The following CYB5RL variants were observed in gnomAD, a reference collection of about 807,000 sequenced individuals.
CYB5RL encodes cytochrome b5 reductase like, also known as NADH-cytochrome b5 reductase-like.
A neutral mutation model predicts 37.5 loss-of-function variants in CYB5RL; 38 were observed. The observed-to-expected ratio is 1.01, with a 90% confidence interval of 0.78 to 1.33. The LOEUF is 1.33. Ranked by LOEUF, CYB5RL falls within the 40% of genes most tolerant of loss-of-function variation. CYB5RL has a pLI of 0.00. For missense variants in CYB5RL, 388 were observed against 394.4 expected (o/e 0.98, Z 0.14); for synonymous variants, 141 against 151.9 (o/e 0.93, Z 0.53).
chr1:54,191,366 G>T (rs997907114), intron 3 of CYB5RL, among the ~76,000 whole-genome samples: 3 of 152,156 alleles, frequency 2.0e-5, no homozygotes, highest in African/African-American at 7.2e-5. Context: ...ATCCAGATTT[G>T]CATAATTTAT....
chr1:54,196,159 G>C (rs1042689206), intron 2 of CYB5RL, among the ~76,000 whole-genome samples: 3 of 152,212 alleles, frequency 2.0e-5, no homozygotes, highest in Non-Finnish European at 2.9e-5. Context: ...ATACAGAAAA[G>C]TCTCATTGAA....
At chr1:54,180,617 A>C (rs1177573102) in intron 6 of CYB5RL, among the ~76,000 whole-genome samples, 3 of 151,708 alleles carry the variant, frequency 2.0e-5, no homozygotes, top group Non-Finnish European at 4.4e-5. Context: ...GAAAAAAAAA[A>C]AAAAGAGGGG....
rs1659935211 is a variant in CYB5RL, at chr1:54,173,227, A to T, written c.*1392T>A. ...TGACACAGCAGAGAGATTTGTTGCC[A>T]TTTTTTTTAGTGGCTAGGAAAATCC... On this transcript the variant is annotated 3_prime_UTR_variant, in exon 8 of 8. Transcript: ENST00000534324. 6.6e-6 allele frequency: 1 copy of T among 152,044 alleles called. No individual in the cohort carries two copies. Among genetic ancestry groups the T allele is most frequent in the Non-Finnish European group, 1.5e-5 (1 of 67,984 alleles). 9.4% of individuals were successfully genotyped at this position (152,044 alleles called of 1,614,324 possible). A position where few individuals can be genotyped will look rare whatever the true frequency, so the allele number is the denominator to read the frequency against.
intron 3 of CYB5RL, among the ~76,000 whole-genome samples, chr1:54,194,026 AATG>A (rs1328110953): frequency 3.5e-5 from 5 of 142,498 alleles, no homozygotes; most frequent in South Asian, 2.2e-4. Flanking sequence ...TAATAATAAT[AATG>A]ATAATAATAA....
At chr1:54,197,895 G>A (rs535481990) in intron 1 of CYB5RL, among the ~76,000 whole-genome samples, 2 of 151,878 alleles carry the variant, frequency 1.3e-5, no homozygotes, top group Non-Finnish European at 2.9e-5. Context: ...GGGCATGGTG[G>A]TGGGCACCCG....
chr1:54,199,692 C>G (rs1168551743), intron 1 of CYB5RL, among the ~76,000 whole-genome samples: 1 of 152,168 alleles, frequency 6.6e-6, no homozygotes, highest in Non-Finnish European at 1.5e-5. Flanking sequence ...AAGTGGCTCG[C>G]TTTTGGCGCT....
chr1:54,198,627 G>C (rs1390232424), intron 1 of CYB5RL, among the ~76,000 whole-genome samples: 2 of 130,088 alleles, frequency 1.5e-5, no homozygotes, highest in African/African-American at 2.9e-5. Flanking sequence ...CACCATGCCC[G>C]GCCTTTTTTT....
rs778960096 is a variant in CYB5RL, at chr1:54,171,122, C to T, written c.*3497G>A. 14 of 455,686 alleles carry T rather than the reference C, an allele frequency of 3.1e-5. No homozygotes were observed. Among genetic ancestry groups the T allele is most frequent in the East Asian group, 7.0e-5 (1 of 14,362 alleles). The allele number at this position is 455,686 out of a possible 1,614,324, so 28.2% of individuals were successfully genotyped here. On this transcript the variant is annotated 3_prime_UTR_variant, in exon 8 of 8. Transcript: ENST00000534324. ...ACCAAGCTGGAGTGGAAGAGACAGGCGAGGCTCCCGGGAGGAAGTGACACT... is the reference window on the plus strand; with the variant it reads ...ACCAAGCTGGAGTGGAAGAGACAGGTGAGGCTCCCGGGAGGAAGTGACACT...
Position 54,179,192 on chromosome 1 carries a change from T to G in CYB5RL, c.701A>C (p.Gln234Pro). 6.2e-7 allele frequency: 1 copy of G among 1,613,746 alleles called. No individual in the cohort carries two copies. The highest frequency in any genetic ancestry group is 8.5e-7 in the Non-Finnish European group (1 of 1,179,808). Residue 234 changes from glutamine (Q) to proline (P), a missense_variant, in exon 7 of 8, where the codon CAG (glutamine) becomes CCG (proline). Gln to Pro is a moderately conservative substitution (Grantham distance 76). Transcript: ENST00000534324. ...SIYLKTFLQE[Q>P]ARFWNVRTFF... ...GGTACGGACATTCCAGAAACGGGCC[T>G]GCTCTTGGAGGAAGGTTTTCAGGTA...
chr1:54,184,413 G>T, intron 5 of CYB5RL, 148 bp from the exon 6 acceptor site: 1 of 665,694 alleles, frequency 1.5e-6, no homozygotes, highest in Non-Finnish European at 2.5e-6. Context: ...TACAAAGTTG[G>T]TACAGCCATT....
chr1:54,195,748 G>C (rs930081929), intron 2 of CYB5RL, 33 bp from the exon 3 acceptor site: 3 of 1,027,204 alleles, frequency 2.9e-6, no homozygotes, highest in Non-Finnish European at 4.2e-6. Flanking sequence ...GTTATTCTCT[G>C]GTCTCCTCTA....
chr1:54,179,341 G>T lies in CYB5RL; in HGVS notation c.552C>A (p.Leu184=), dbSNP rs1660101117. Residue 184 remains leucine (L), a synonymous_variant, in exon 7 of 8, where the codon CTC becomes CTA. Coordinates refer to ENST00000534324, the MANE Select transcript of CYB5RL (RefSeq NM_001031672.4). ...GGCCCGTGCCCGCAGCCAGCAAGAG[G>T]AGCTCACCATACTGGGGAACAGAAG... ...FFYKPNQYGE[L]LLLAAGTGLA... is the part of the protein sequence containing the mutation. The T allele has an allele frequency of 5.0e-6, 8 of 1,612,876 alleles. No homozygotes were observed. The highest frequency in any genetic ancestry group is 6.8e-6 in the Non-Finnish European group (8 of 1,179,668).
Position 54,171,246 on chromosome 1 carries a change from A to G in CYB5RL, c.*3373T>C, listed in dbSNP as rs1171088274. 1 of 456,090 alleles carries G rather than the reference A, an allele frequency of 2.2e-6. No homozygotes were observed. Among genetic ancestry groups the G allele is most frequent in the South Asian group, 1.5e-5 (1 of 64,542 alleles). The allele number at this position is 456,090 out of a possible 1,614,324, so 28.3% of individuals were successfully genotyped here. On this transcript the variant is annotated 3_prime_UTR_variant, in exon 8 of 8. Transcript: ENST00000534324. Reference sequence around the variant, plus strand: ...GAGGAAGCAGCGAGTGTAAGGGATGAGCTGACGCAAGAGAACATGTTTGGA... The same window carrying G: ...GAGGAAGCAGCGAGTGTAAGGGATGGGCTGACGCAAGAGAACATGTTTGGA...
At chr1:54,195,299 T>A (rs1643996348) in intron 3 of CYB5RL, 120 bp downstream of exon 3, 1 of 1,199,954 alleles carries the variant, frequency 8.3e-7, no homozygotes. Context: ...TTTGCTTCTG[T>A]TATGCATACT....
intron 1 of CYB5RL, among the ~76,000 whole-genome samples, chr1:54,198,364 G>A (rs1422751204): frequency 6.8e-6 from 1 of 147,102 alleles, no homozygotes; most frequent in Non-Finnish European, 1.5e-5. Context: ...CAAGAGTCTC[G>A]CTCTGTTGCC....
At chr1:54,175,803 T>C in intron 7 of CYB5RL, 1 of 280,642 alleles carries the variant, frequency 3.6e-6, no homozygotes. Flanking sequence ...TTAAGTCACA[T>C]GGGAGGATGT....
chr1:54,179,037 G>C (rs2100460392), intron 7 of CYB5RL, 112 bp downstream of exon 7: 2 of 1,265,224 alleles, frequency 1.6e-6, no homozygotes, highest in East Asian at 5.1e-5. Flanking sequence ...CCAGTGGCAG[G>C]GATTATGACC....
chr1:54,171,353 CA>C lies in CYB5RL; in HGVS notation c.*3265del, dbSNP rs1385991017. On this transcript the variant is annotated 3_prime_UTR_variant, in exon 8 of 8. Transcript: ENST00000534324. ...GAGCAGAGAGGCCCTACCCCAAGGC[CA>C]CAGGGAGACAGGGAAGGATTTCAAG... is the stretch of plus-strand genomic sequence containing the variant. 2 of 456,204 alleles carry C rather than the reference CA, an allele frequency of 4.4e-6. No individual in the cohort carries two copies. The highest frequency in any genetic ancestry group is 8.8e-6 in the Non-Finnish European group (2 of 226,812). 28.3% of individuals were successfully genotyped at this position (456,204 alleles called of 1,614,324 possible).
At chr1:54,174,915 A>G (rs2100455215) in intron 7 of CYB5RL, 93 bp from the exon 8 acceptor site, 5 of 1,382,542 alleles carry the variant, frequency 3.6e-6, no homozygotes, top group Non-Finnish European at 5.0e-6. Flanking sequence ...TGAGGAAACC[A>G]AGGCAGAGGG....
Sources: allele counts gnomAD v4.1 joint callset (sites outside exome capture counted in the v4.1 genomes callset), GRCh38; gene constraint gnomAD v4.1.1; transcripts MANE v1.5; gene names NCBI Gene and HGNC (gene_info 2026-07-23, HGNC 2026-07-21).